Variants in TAFA4 observed in about 807,000 individuals in gnomAD.
The protein encoded by TAFA4 is TAFA chemokine like family member 4.
TAFA4 carries 20 observed loss-of-function variants against 21.1 expected under a neutral mutation model. That is an observed-to-expected ratio of 0.95 (90% CI 0.67 to 1.38). The LOEUF is 1.38. Ranked by LOEUF, TAFA4 falls within the 40% of genes most tolerant of loss-of-function variation. The pLI is 0.00. For synonymous variants in TAFA4, 71 were observed against 67.4 expected, an observed-to-expected ratio of 1.05 and a Z score of -0.26; for missense variants, 211 against 180.9, an observed-to-expected ratio of 1.17 and a Z score of -0.95.
chr3:68,908,627 G>GAGTTTAAA, intron 1 of TAFA4, among the ~76,000 whole-genome samples: 1 of 152,314 alleles, frequency 6.6e-6, no homozygotes, highest in East Asian at 1.9e-4. Flanking sequence ...ACTATAAGTG[G>GAGTTTAAA]ACAAACAGTG....
chr3:68,828,452 A>G (rs1443443740), intron 3 of TAFA4, among the ~76,000 whole-genome samples: 1 of 152,130 alleles, frequency 6.6e-6, no homozygotes, highest in Non-Finnish European at 1.5e-5. Flanking sequence ...CACTGAATCT[A>G]TAAATTACCT....
chr3:68,866,694 A>C (rs1283393495), intron 3 of TAFA4, among the ~76,000 whole-genome samples: 1 of 146,354 alleles, frequency 6.8e-6, no homozygotes, highest in Non-Finnish European at 1.5e-5. Flanking sequence ...CAAACTCACA[A>C]AAAAAAAAAC....
chr3:68,842,308 CT>C (rs1435499288), intron 3 of TAFA4, among the ~76,000 whole-genome samples: 1 of 152,202 alleles, frequency 6.6e-6, no homozygotes. Flanking sequence ...TAATGATGAG[CT>C]TTTTTTCATA....
At chr3:68,754,793 A>G (rs1019046842) in intron 3 of TAFA4, among the ~76,000 whole-genome samples, 3 of 152,182 alleles carry the variant, frequency 2.0e-5, no homozygotes, top group African/African-American at 7.2e-5. Flanking sequence ...AACTGATTCT[A>G]TGTTAATGTT....
chr3:68,742,678 C>T (rs537140326), intron 4 of TAFA4, among the ~76,000 whole-genome samples: 2 of 152,246 alleles, frequency 1.3e-5, no homozygotes, highest in East Asian at 3.9e-4. Flanking sequence ...AAAGAACTTA[C>T]CCATGTAATA....
intron 3 of TAFA4, among the ~76,000 whole-genome samples, chr3:68,813,409 G>C (rs1427736020): frequency 6.6e-6 from 1 of 151,988 alleles, no homozygotes; most frequent in Non-Finnish European, 1.5e-5. Flanking sequence ...GAACAAAATT[G>C]ATAGACCACT....
At chr3:68,809,563 G>A (rs1198873598) in intron 3 of TAFA4, among the ~76,000 whole-genome samples, 1 of 109,728 alleles carries the variant, frequency 9.1e-6, no homozygotes, top group Admixed American at 9.7e-5. Context: ...TCTCTAGTTT[G>A]ATGTAATCTC....
At chr3:68,774,140 C>A (rs183152762) in intron 3 of TAFA4, among the ~76,000 whole-genome samples, 17 of 152,154 alleles carry the variant, frequency 1.1e-4, no homozygotes. Context: ...GGAGAGGTGG[C>A]AATACTTGGA....
chr3:68,855,855 G>A (rs953189109), intron 3 of TAFA4, among the ~76,000 whole-genome samples: 1 of 152,026 alleles, frequency 6.6e-6, no homozygotes, highest in African/African-American at 2.4e-5. Flanking sequence ...CACTGGGCGT[G>A]ACTTCCACAA....
At chr3:68,769,268 T>G (rs370767121) in intron 3 of TAFA4, among the ~76,000 whole-genome samples, 1 of 152,210 alleles carries the variant, frequency 6.6e-6, no homozygotes, top group South Asian at 2.1e-4. Flanking sequence ...CACTCCCACA[T>G]GGGACCAGCT....
intron 3 of TAFA4, among the ~76,000 whole-genome samples, chr3:68,763,643 T>C (rs1167428331): frequency 1.3e-5 from 2 of 152,112 alleles, no homozygotes; most frequent in African/African-American, 2.4e-5. Flanking sequence ...TTCTAATAAG[T>C]CTTAAAATTT....
intron 4 of TAFA4, among the ~76,000 whole-genome samples, chr3:68,741,481 T>C (rs1199144453): frequency 1.3e-5 from 2 of 152,158 alleles, no homozygotes; most frequent in Non-Finnish European, 1.5e-5. Context: ...CTTTACTGAA[T>C]TTATTAGTAC....
At chr3:68,920,077 T>C (rs1004589963) in intron 1 of TAFA4, among the ~76,000 whole-genome samples, 2 of 152,200 alleles carry the variant, frequency 1.3e-5, no homozygotes, top group South Asian at 2.1e-4. Flanking sequence ...CTCTCTGTAG[T>C]AGAAAAAACT....
rs78917155 is a variant in TAFA4, at chr3:68,902,076, T to G, written c.-122-16766A>C. Among the ~76,000 whole-genome samples, 1,009 of 152,292 alleles carry G rather than the reference T, an allele frequency of 6.6e-3. 10 individuals carry two copies. The highest frequency in any genetic ancestry group is 0.023 in the African/African-American group (969 of 41,536). Reference sequence around the variant, plus strand: ...CTATATAAGAACTCTGCTGTAAGAATTTTCAATGCATTAACTCATTTAATC... The same window carrying G: ...CTATATAAGAACTCTGCTGTAAGAAGTTTCAATGCATTAACTCATTTAATC... On this transcript the variant is annotated intron_variant, in intron 1 of 5. Coordinates refer to ENST00000295569, the MANE Select transcript of TAFA4 (RefSeq NM_182522.5).
chr3:68,806,781 A>G (rs749987894), intron 3 of TAFA4, among the ~76,000 whole-genome samples: 1 of 152,104 alleles, frequency 6.6e-6, no homozygotes, highest in Non-Finnish European at 1.5e-5. Flanking sequence ...ACTCTCTACC[A>G]TGAGAAAAAA....
chr3:68,822,734 A>C (rs563453476), intron 3 of TAFA4, among the ~76,000 whole-genome samples: 7 of 152,288 alleles, frequency 4.6e-5, no homozygotes, highest in Admixed American at 3.9e-4. Flanking sequence ...AGCCTCCCAA[A>C]GTGCCAGGAT....
intron 4 of TAFA4, among the ~76,000 whole-genome samples, chr3:68,741,072 C>T (rs376154064): frequency 1.2e-4 from 18 of 152,262 alleles, no homozygotes; most frequent in East Asian, 5.8e-4. Context: ...TAATTGGAAT[C>T]GGGCTGTGTG....
intron 3 of TAFA4, among the ~76,000 whole-genome samples, chr3:68,815,342 A>G (rs1703947141): frequency 6.6e-6 from 1 of 152,240 alleles, no homozygotes; most frequent in Non-Finnish European, 1.5e-5. Context: ...GAGCTTCTGC[A>G]CAGCAAAAGA....
intron 1 of TAFA4, among the ~76,000 whole-genome samples, chr3:68,907,668 C>T (rs115661698): frequency 6.6e-6 from 1 of 152,264 alleles, no homozygotes; most frequent in African/African-American, 2.4e-5. Context: ...TAAGGTACCA[C>T]GATTGTCAGA....
Sources: allele counts gnomAD v4.1 joint callset (sites outside exome capture counted in the v4.1 genomes callset), GRCh38; gene constraint gnomAD v4.1.1; transcripts MANE v1.5; gene names NCBI Gene and HGNC (gene_info 2026-07-23, HGNC 2026-07-21).